RBFOX1: variants seen among roughly 807,000 people sequenced by gnomAD.
RBFOX1 encodes RNA binding protein fox-1 homolog 1.
RBFOX1 carries 8 observed loss-of-function variants against 57.7 expected under a neutral mutation model. That is an observed-to-expected ratio of 0.14 (90% confidence interval 0.08 to 0.25). RBFOX1 has a LOEUF of 0.25. Ranked by LOEUF, RBFOX1 falls within the 10% of genes least tolerant of loss-of-function variation. The probability of loss-of-function intolerance (pLI) is 1.00; values close to 1 mark genes in which losing one functional copy is unlikely to be tolerated. For synonymous variants in RBFOX1, 326 were observed against 222.4 expected, an observed-to-expected ratio of 1.47 and a Z score of -4.15; for missense variants, 611 against 548.5, an observed-to-expected ratio of 1.11 and a Z score of -1.14.
chr16:6,605,713 C>G (rs2097916275), intron 2 of RBFOX1, among the ~76,000 whole-genome samples: 1 of 152,176 alleles, frequency 6.6e-6, no homozygotes, highest in Non-Finnish European at 1.5e-5. Flanking sequence ...GATGCTGTGT[C>G]AGCGAACAGG....
intron 3 of RBFOX1, among the ~76,000 whole-genome samples, chr16:5,624,781 C>G (rs1290904138): frequency 6.6e-6 from 1 of 152,216 alleles, no homozygotes; most frequent in African/African-American, 2.4e-5. Context: ...CTTCAGGAAG[C>G]TCATATGCTG....
chr16:6,039,494 G>A (rs17139226), intron 1 of RBFOX1, among the ~76,000 whole-genome samples: 2 of 152,180 alleles, frequency 1.3e-5, no homozygotes, highest in East Asian at 1.9e-4. Flanking sequence ...CATGATTTGG[G>A]TAGTTTTGAA....
chr16:7,669,311 A>AAAAAGTATAGCATT (rs1464858657), intron 13 of RBFOX1, among the ~76,000 whole-genome samples: 4 of 152,228 alleles, frequency 2.6e-5, no homozygotes, highest in Non-Finnish European at 5.9e-5. Flanking sequence ...GAAAGAGACC[A>AAAAAGTATAGCATT]AAAAGTATAG....
At chr16:6,168,164 A>G (rs1293633207) in intron 1 of RBFOX1, among the ~76,000 whole-genome samples, 1 of 152,202 alleles carries the variant, frequency 6.6e-6, no homozygotes, top group African/African-American at 2.4e-5. Flanking sequence ...TTATCTTTCA[A>G]GAACAGGCTC....
intron 4 of RBFOX1, among the ~76,000 whole-genome samples, chr16:7,142,721 G>A (rs1025303053): frequency 6.6e-6 from 1 of 152,152 alleles, no homozygotes; most frequent in African/African-American, 2.4e-5. Flanking sequence ...TAAGGTCACT[G>A]CATTCCAGTG....
At chr16:5,334,674 A>G (rs12919201) in intron 1 of RBFOX1, among the ~76,000 whole-genome samples, 1 of 152,056 alleles carries the variant, frequency 6.6e-6, no homozygotes, top group Non-Finnish European at 1.5e-5. Flanking sequence ...GTGCACATAT[A>G]TAATAAATAC....
intron 4 of RBFOX1, among the ~76,000 whole-genome samples, chr16:7,349,755 G>T (rs181618381): frequency 8.9e-4 from 135 of 152,208 alleles, no homozygotes; most frequent in Non-Finnish European, 1.8e-3. Context: ...TACAGTTCCA[G>T]GTGTGAGTAA....
chr16:6,247,768 T>C (rs1370909990), intron 1 of RBFOX1, among the ~76,000 whole-genome samples: 1 of 152,192 alleles, frequency 6.6e-6, no homozygotes, highest in Non-Finnish European at 1.5e-5. Flanking sequence ...GCTGAATTAC[T>C]CTACAGAGAG....
At chr16:7,654,959 C>A (rs1001737649) in intron 12 of RBFOX1, among the ~76,000 whole-genome samples, 2 of 152,136 alleles carry the variant, frequency 1.3e-5, no homozygotes, top group African/African-American at 4.8e-5. Flanking sequence ...TTAAATTCAG[C>A]GATCCCCAGA....
chr16:7,490,646 G>C (rs1414203748), intron 4 of RBFOX1, among the ~76,000 whole-genome samples: 2 of 152,202 alleles, frequency 1.3e-5, no homozygotes, highest in Admixed American at 1.3e-4. Flanking sequence ...CCATGAGGAA[G>C]AAAACAGATT....
intron 3 of RBFOX1, among the ~76,000 whole-genome samples, chr16:6,892,775 C>CCTCCCTCTCT (rs2065795759): frequency 9.4e-5 from 8 of 84,738 alleles, no homozygotes; most frequent in African/African-American, 3.6e-4. Flanking sequence ...TCCCTGTCTC[C>CCTCCCTCTCT]CTCTCTCTCT....
intron 2 of RBFOX1, among the ~76,000 whole-genome samples, chr16:5,514,069 A>G (rs1467235462): frequency 6.6e-6 from 1 of 152,224 alleles, no homozygotes; most frequent in Non-Finnish European, 1.5e-5. Context: ...TCATATGGAT[A>G]TGCTAGTATA....
At chr16:6,896,919 G>C (rs1045925340) in intron 3 of RBFOX1, among the ~76,000 whole-genome samples, 68 of 152,252 alleles carry the variant, frequency 4.5e-4, no homozygotes, top group African/African-American at 1.3e-3. Context: ...AATGCATTTG[G>C]TGAAAGAAAG....
Position 5,947,886 on chromosome 16 carries a change from T to C in RBFOX1, c.351+80551T>C, listed in dbSNP as rs1324735610. Among the ~76,000 whole-genome samples, 1 of 152,226 alleles carries C rather than the reference T, an allele frequency of 6.6e-6. No individual in the cohort carries two copies. The highest frequency in any genetic ancestry group is 1.5e-5 in the Non-Finnish European group (1 of 68,046). On this transcript the variant is annotated intron_variant, in intron 4 of 19. Coordinates refer to the RBFOX1 transcript ENST00000641259. The surrounding 1 kb of genome is among the most constrained non-coding windows in gnomAD (Gnocchi z 7.2). ...CCGGGCCACCCGTAACGGGAGTTTA[T>C]GTAATTATTAGTTTGAATGGCTCTG...
intron 14 of RBFOX1, among the ~76,000 whole-genome samples, chr16:7,680,989 G>A (rs1206819530): frequency 6.6e-6 from 1 of 151,960 alleles, no homozygotes; most frequent in East Asian, 1.9e-4. Context: ...AAGAGACCAG[G>A]GCTTGTTAAT....
At chr16:6,652,351 G>A (rs1399873859) in intron 2 of RBFOX1, among the ~76,000 whole-genome samples, 1 of 152,090 alleles carries the variant, frequency 6.6e-6, no homozygotes, top group Non-Finnish European at 1.5e-5. Context: ...GGGAGGCTGA[G>A]GCAGAAGAAT....
chr16:7,236,720 C>G (rs1041340679), intron 4 of RBFOX1, among the ~76,000 whole-genome samples: 10 of 151,994 alleles, frequency 6.6e-5, no homozygotes, highest in African/African-American at 2.2e-4. Flanking sequence ...TAAGCCACTG[C>G]AAGCACGCAC....
intron 1 of RBFOX1, among the ~76,000 whole-genome samples, chr16:5,250,493 A>C (rs1242465163): frequency 1.3e-5 from 2 of 151,450 alleles, no homozygotes; most frequent in African/African-American, 4.9e-5. Context: ...TCATTGTTCA[A>C]CTCCCACTTA....
chr16:5,503,326 C>T (rs2043263378), intron 2 of RBFOX1, among the ~76,000 whole-genome samples: 2 of 152,226 alleles, frequency 1.3e-5, no homozygotes. Context: ...CTGTCCCCCA[C>T]TCTTGAATCT....
Sources: gnomAD v4.1 joint callset for allele counts (sites outside exome capture counted in the v4.1 genomes callset) on GRCh38, gnomAD v4.1.1 for gene constraint, Gnocchi (gnomAD v3.1) non-coding constraint, MANE v1.5 for transcripts, NCBI Gene and HGNC (gene_info 2026-07-23, HGNC 2026-07-21) for gene names.